Variants in UGP2 observed in about 807,000 individuals in gnomAD.
UGP2 encodes the protein UTP--glucose-1-phosphate uridylyltransferase.
A neutral mutation model predicts 49.0 loss-of-function variants in UGP2; 40 were observed. That is an observed-to-expected ratio of 0.82 (90% CI 0.63 to 1.06). The LOEUF is 1.06. Among genes scored for constraint, UGP2 ranks in the 50% least tolerant of loss-of-function variants. The pLI, the probability that UGP2 is intolerant of heterozygous loss-of-function variation, is 0.00. For missense variants in UGP2, 460 were observed against 603.5 expected (o/e 0.76, Z 2.49); for synonymous variants, 225 against 213.0 (o/e 1.06, Z -0.49).
rs1269462859 is a variant in UGP2 at position 63,856,439 on chromosome 2, G to A, written c.147+6G>A. ...CATCATCACATGAATTTGAGGTAAG[G>A]AGGTTTCTACAGTGTTCCACCCCCC... On this transcript the variant is annotated splice_donor_region_variant and intron_variant, in intron 2 of 9. Coordinates refer to ENST00000337130, the MANE Select transcript of UGP2 (RefSeq NM_006759.4). 8 of 1,609,448 alleles carry A rather than the reference G, an allele frequency of 5.0e-6. No individual in the cohort carries two copies. The highest frequency in any genetic ancestry group is 3.3e-5 in the Admixed American group (2 of 59,918).
intron 1 of UGP2, chr2:63,855,437 G>A (rs775117718): frequency 2.9e-5 from 14 of 476,542 alleles, no homozygotes; most frequent in African/African-American, 8.0e-5. Context: ...TAAATAAGAT[G>A]ATTACTTTCT....
chr2:63,854,200 G>A (rs960526322), intron 1 of UGP2, among the ~76,000 whole-genome samples: 8 of 152,086 alleles, frequency 5.3e-5, no homozygotes, highest in Admixed American at 6.6e-5. Context: ...CTGTTTCCTC[G>A]TCTGTAAAAT....
At chr2:63,869,165 G>A (rs1670377511) in intron 3 of UGP2, among the ~76,000 whole-genome samples, 1 of 152,090 alleles carries the variant, frequency 6.6e-6, no homozygotes, top group Non-Finnish European at 1.5e-5. Context: ...TCAAGTAGCG[G>A]TAAGTGAATG....
At chr2:63,857,284 G>C (rs1345182323) in intron 2 of UGP2, among the ~76,000 whole-genome samples, 1 of 149,324 alleles carries the variant, frequency 6.7e-6, no homozygotes, top group African/African-American at 2.5e-5. Flanking sequence ...CTGGACAACA[G>C]AGCAAGACTC....
intron 3 of UGP2, among the ~76,000 whole-genome samples, chr2:63,873,055 A>G (rs770482350): frequency 6.6e-6 from 1 of 152,206 alleles, no homozygotes; most frequent in Non-Finnish European, 1.5e-5. Context: ...TTCTGCAAAG[A>G]TGACCTTATT....
Position 63,891,320 on chromosome 2 carries a change from T to A in UGP2, c.*93T>A. The A allele has an allele frequency of 9.5e-7, 1 of 1,052,076 alleles. No homozygotes were observed. The highest frequency in any genetic ancestry group is 1.5e-5 in the South Asian group (1 of 66,570). 65.2% of individuals were successfully genotyped at this position (1,052,076 alleles called of 1,614,324 possible). ...TAAAATAGGCAGGTACTTTACTATG[T>A]TACTGTACCCTGCAGTGTTGATTTT... On this transcript the variant is annotated 3_prime_UTR_variant, in exon 10 of 10. Transcript: ENST00000337130.
At chr2:63,878,748 T>C (rs1018940076) in intron 3 of UGP2, among the ~76,000 whole-genome samples, 1 of 152,180 alleles carries the variant, frequency 6.6e-6, no homozygotes, top group African/African-American at 2.4e-5. Context: ...AATTTTTTTG[T>C]AGAGGCAAGG....
chr2:63,883,104 GC>G (rs1297570872), intron 4 of UGP2: 2 of 152,414 alleles, frequency 1.3e-5, no homozygotes, highest in Non-Finnish European at 2.9e-5. Context: ...TGGGGCAGTG[GC>G]CTTATTTTTT....
chr2:63,847,500 G>A (rs987092317), intron 1 of UGP2, among the ~76,000 whole-genome samples: 3 of 152,198 alleles, frequency 2.0e-5, no homozygotes, highest in African/African-American at 7.2e-5. Context: ...CCACCAAATA[G>A]GCTTTGTGTG....
chr2:63,871,886 T>C (rs1670579283), intron 3 of UGP2, among the ~76,000 whole-genome samples: 1 of 152,234 alleles, frequency 6.6e-6, no homozygotes, highest in South Asian at 2.1e-4. Flanking sequence ...TTGGGTTTTT[T>C]CCAGAAGGCT....
At chr2:63,868,546 G>A (rs1005655054) in intron 3 of UGP2, among the ~76,000 whole-genome samples, 1 of 152,152 alleles carries the variant, frequency 6.6e-6, no homozygotes, top group Non-Finnish European at 1.5e-5. Flanking sequence ...TATTAAAACC[G>A]TGTAATGAAT....
At chr2:63,850,323 G>A (rs1021545350) in intron 1 of UGP2, among the ~76,000 whole-genome samples, 3 of 152,114 alleles carry the variant, frequency 2.0e-5, no homozygotes, top group African/African-American at 7.2e-5. Flanking sequence ...TTATCAAAAA[G>A]CATTTATTAA....
In UGP2 at chr2:63,841,945, A is replaced by C; in HGVS notation, c.-241A>C. On this transcript the variant is annotated 5_prime_UTR_variant, in exon 1 of 10. Coordinates refer to ENST00000337130, the MANE Select transcript of UGP2 (RefSeq NM_006759.4). ...TGTGTCCGGAGCTCAGGAGTTCCCA[A>C]ACCGACTCAGTCGCACCAAGTTTCC... 2.2e-6 allele frequency: 1 copy of C among 459,648 alleles called. No homozygotes were observed. The highest frequency in any genetic ancestry group is 3.7e-6 in the Non-Finnish European group (1 of 269,306). 28.5% of individuals were successfully genotyped at this position (459,648 alleles called of 1,614,324 possible).
intron 3 of UGP2, among the ~76,000 whole-genome samples, chr2:63,868,890 C>A (rs182164925): frequency 2.6e-5 from 4 of 151,844 alleles, no homozygotes; most frequent in African/African-American, 9.7e-5. Context: ...AGGAGAATCA[C>A]TTGAACCTGG....
rs1671571396 is a variant in UGP2 at position 63,841,904 on chromosome 2, C to T, written c.-282C>T. The T allele has an allele frequency of 2.6e-6, 1 of 388,976 alleles. No homozygotes were observed. 24.1% of individuals were successfully genotyped at this position (388,976 alleles called of 1,614,324 possible). On this transcript the variant is annotated 5_prime_UTR_variant, in exon 1 of 10. Transcript: ENST00000337130. ...GTGGTTTTACCTTTTCCGGGAGTCT[C>T]CAGCTGGCCCTCATTTGTGTCCGGA...
chr2:63,882,346 T>C, intron 3 of UGP2, 120 bp from the exon 4 acceptor site: 1 of 957,644 alleles, frequency 1.0e-6, no homozygotes, highest in Non-Finnish European at 1.4e-6. Context: ...AAAAGTTGAT[T>C]AAAACTTTCC....
chr2:63,884,460 T>A (rs746159792), intron 5 of UGP2, among the ~76,000 whole-genome samples: 7 of 152,204 alleles, frequency 4.6e-5, no homozygotes, highest in African/African-American at 1.4e-4. Flanking sequence ...ACACCTTTTA[T>A]GGGCTTGGGG....
intron 3 of UGP2, among the ~76,000 whole-genome samples, chr2:63,865,475 C>G (rs924738817): frequency 6.6e-6 from 1 of 151,092 alleles, no homozygotes; most frequent in Middle Eastern, 3.5e-3. Flanking sequence ...CACTAACAGG[C>G]TTCTACCTAG....
At chr2:63,861,848 A>G (rs935931800) in intron 3 of UGP2, among the ~76,000 whole-genome samples, 5 of 152,080 alleles carry the variant, frequency 3.3e-5, no homozygotes, top group East Asian at 1.9e-4. Context: ...TTTAGCTCCA[A>G]TGGATTTTTT....
Sources: gnomAD v4.1 joint callset for allele counts (sites outside exome capture counted in the v4.1 genomes callset) on GRCh38, gnomAD v4.1.1 for gene constraint, MANE v1.5 for transcripts, NCBI Gene and HGNC (gene_info 2026-07-23, HGNC 2026-07-21) for gene names.